The following CALCR variants were observed in gnomAD, a reference collection of about 807,000 sequenced individuals.
CALCR encodes the protein calcitonin receptor.
Under a neutral mutation model 59.5 loss-of-function variants are expected in CALCR, and 47 were observed. The ratio of observed to expected loss-of-function variants is 0.79; its 90% CI spans 0.63 to 1.01. CALCR has a LOEUF of 1.01. Ranked by LOEUF, CALCR falls within the 50% of genes least tolerant of loss-of-function variation. The pLI is 0.00. For synonymous variants in CALCR, 213 were observed against 211.3 expected (o/e 1.01, Z -0.07); for missense variants, 566 against 597.1 (o/e 0.95, Z 0.54).
chr7:93,568,202 G>T (rs989108251), intron 2 of CALCR, among the ~76,000 whole-genome samples: 2 of 152,094 alleles, frequency 1.3e-5, no homozygotes, highest in South Asian at 2.1e-4. Context: ...TTGTTGGGGG[G>T]ATTAAACGCT....
rs1028425689 is a variant in CALCR at position 93,459,778 on chromosome 7, T to A, written c.648+1043A>T. Among the ~76,000 whole-genome samples the A allele has an allele frequency of 1.3e-5, 2 of 152,160 alleles. 1 individual carries two copies. Among genetic ancestry groups the A allele is most frequent in the Admixed American group, 1.3e-4 (2 of 15,268 alleles). ...AAGACTGATGACAAATATGGGTTAT[T>A]CTGAACAACTCTCAGGACAATTCTG... On this transcript the variant is annotated intron_variant, in intron 8 of 13. Transcript: ENST00000426151.
chr7:93,518,096 T>C (rs1158707344), intron 2 of CALCR, among the ~76,000 whole-genome samples: 4 of 151,902 alleles, frequency 2.6e-5, no homozygotes, highest in Admixed American at 6.6e-5. Context: ...ATATGTGTAT[T>C]TTTGTAATCA....
rs1429268371 is a variant in CALCR at position 93,479,496 on chromosome 7, T to C, written c.63A>G (p.Pro21=). The C allele has an allele frequency of 1.9e-6, 3 of 1,611,998 alleles. No individual in the cohort carries two copies. The highest frequency in any genetic ancestry group is 1.7e-5 in the Admixed American group (1 of 59,792). ...ALFLLLNHPT[P]ILPAFSNQTY... ...TTTGATTTGAAAAGGCAGGAAGAAT[T>C]GGGGTTGGGTGCTGTATTAAAAAGA... The change falls in exon 4 of 14, where the codon CCA becomes CCG. Residue 21 remains proline (P), a synonymous_variant. Coordinates refer to ENST00000426151, the MANE Select transcript of CALCR (RefSeq NM_001742.4).
intron 12 of CALCR, among the ~76,000 whole-genome samples, chr7:93,435,552 C>T (rs938309679): frequency 2.0e-5 from 3 of 152,014 alleles, no homozygotes; most frequent in African/African-American, 7.2e-5. Flanking sequence ...TGCGCAGTGG[C>T]TCACACCTGT....
intron 3 of CALCR, chr7:93,482,921 T>C (rs190765274): frequency 1.2e-5 from 6 of 518,082 alleles, no homozygotes; most frequent in Admixed American, 2.1e-5. Flanking sequence ...TGGTTCATAT[T>C]TGAGCACTGA....
At chr7:93,532,928 T>C (rs1788885108) in intron 2 of CALCR, among the ~76,000 whole-genome samples, 1 of 150,604 alleles carries the variant, frequency 6.6e-6, no homozygotes, top group Non-Finnish European at 1.5e-5. Flanking sequence ...ATAATAGTAC[T>C]TGCCTTCCAG....
chr7:93,562,474 C>T (rs1416089991), intron 2 of CALCR, among the ~76,000 whole-genome samples: 1 of 152,124 alleles, frequency 6.6e-6, no homozygotes, highest in African/African-American at 2.4e-5. Flanking sequence ...AATAAAACAC[C>T]TCCAGCTTGG....
intron 8 of CALCR, 80 bp downstream of exon 8, chr7:93,460,741 C>A: frequency 9.2e-7 from 1 of 1,085,040 alleles, no homozygotes. Flanking sequence ...TGCTTAAGTC[C>A]AACATGAACA....
At chr7:93,489,030 C>G (rs1015208010) in intron 2 of CALCR, among the ~76,000 whole-genome samples, 4 of 151,818 alleles carry the variant, frequency 2.6e-5, no homozygotes, top group Non-Finnish European at 5.9e-5. Flanking sequence ...CATTCCTCAG[C>G]AAAAGCAAAA....
At chr7:93,573,478 A>G (rs1472848916) in intron 2 of CALCR, among the ~76,000 whole-genome samples, 1 of 152,224 alleles carries the variant, frequency 6.6e-6, no homozygotes, top group African/African-American at 2.4e-5. Context: ...AAGATCGGCA[A>G]GTGAAACCCT....
intron 2 of CALCR, among the ~76,000 whole-genome samples, chr7:93,548,413 T>G (rs538247918): frequency 3.3e-5 from 5 of 152,292 alleles, no homozygotes; most frequent in Non-Finnish European, 7.4e-5. Flanking sequence ...GTTGTTAAGC[T>G]GAAAAATTAC....
intron 2 of CALCR, among the ~76,000 whole-genome samples, chr7:93,491,414 A>G (rs1040509858): frequency 6.6e-6 from 1 of 152,124 alleles, no homozygotes; most frequent in Non-Finnish European, 1.5e-5. Context: ...ATGGGATCTA[A>G]CTAAACTAAA....
At chr7:93,518,529 T>C (rs1016735298) in intron 2 of CALCR, among the ~76,000 whole-genome samples, 1 of 151,930 alleles carries the variant, frequency 6.6e-6, no homozygotes, top group East Asian at 1.9e-4. Context: ...TTGGTATTTA[T>C]ATGAAGAAAA....
chr7:93,538,326 T>C (rs1459516220), intron 2 of CALCR, among the ~76,000 whole-genome samples: 1 of 152,072 alleles, frequency 6.6e-6, no homozygotes, highest in Non-Finnish European at 1.5e-5. Flanking sequence ...CCCTCTGGGG[T>C]ATTCCTAGCA....
At chr7:93,458,981 G>A (rs1358330510) in intron 8 of CALCR, among the ~76,000 whole-genome samples, 4 of 152,150 alleles carry the variant, frequency 2.6e-5, no homozygotes, top group African/African-American at 9.7e-5. Flanking sequence ...AAGATTTGTT[G>A]TTAAAATTAA....
rs60170899 is a variant in CALCR, at chr7:93,462,275, T to G, written c.522-1328A>C. Among the ~76,000 whole-genome samples the G allele has an allele frequency of 0.062, 9,369 of 152,072 alleles. 915 individuals carry two copies. Among genetic ancestry groups the G allele is most frequent in the African/African-American group, 0.21 (8,511 of 41,442 alleles). On this transcript the variant is annotated intron_variant, in intron 7 of 13. Coordinates refer to ENST00000426151, the MANE Select transcript of CALCR (RefSeq NM_001742.4). ...ACAGGTATAGGATGTAGAATTTACATCCATGAGGCAGGCTCTGATAAAGAC... is the reference window on the plus strand; with the variant it reads ...ACAGGTATAGGATGTAGAATTTACAGCCATGAGGCAGGCTCTGATAAAGAC...
intron 13 of CALCR, among the ~76,000 whole-genome samples, chr7:93,430,507 T>C (rs1799636798): frequency 6.6e-6 from 1 of 152,176 alleles, no homozygotes; most frequent in African/African-American, 2.4e-5. Context: ...GATTCCTTGC[T>C]CTAAAGGGTA....
chr7:93,447,191 G>A (rs1800022257), intron 8 of CALCR, among the ~76,000 whole-genome samples: 1 of 151,860 alleles, frequency 6.6e-6, no homozygotes, highest in Non-Finnish European at 1.5e-5. Flanking sequence ...ATGCCCCAAA[G>A]GGCATTTATA....
At chr7:93,548,273 C>G (rs566756148) in intron 2 of CALCR, among the ~76,000 whole-genome samples, 40 of 152,228 alleles carry the variant, frequency 2.6e-4, no homozygotes, top group African/African-American at 9.6e-4. Flanking sequence ...ATATAAAGAA[C>G]CTCTTGGCTC....
Sources: gnomAD v4.1 joint callset for allele counts (sites outside exome capture counted in the v4.1 genomes callset) on GRCh38, gnomAD v4.1.1 for gene constraint, MANE v1.5 for transcripts, NCBI Gene and HGNC (gene_info 2026-07-23, HGNC 2026-07-21) for gene names.